GSPT1: variants seen among roughly 807,000 people sequenced by gnomAD.
The protein encoded by GSPT1 is G1 to S phase transition 1, also known as eukaryotic peptide chain release factor GTP-binding subunit ERF3A.
In GSPT1, 20 loss-of-function variants were observed where a neutral mutation model predicts 72.5. The ratio of observed to expected loss-of-function variants is 0.28; its 90% CI spans 0.19 to 0.40. The LOEUF (loss-of-function observed/expected upper bound fraction) is 0.40, where lower values mean the gene tolerates loss of function less well. Ranked by LOEUF, GSPT1 falls within the 10% of genes least tolerant of loss-of-function variation. The probability of loss-of-function intolerance (pLI) is 1.00; values close to 1 mark genes in which losing one functional copy is unlikely to be tolerated. For missense variants in GSPT1, 580 were observed against 811.9 expected, an observed-to-expected ratio of 0.71 and a Z score of 3.47; for synonymous variants, 334 against 293.5, an observed-to-expected ratio of 1.14 and a Z score of -1.41.
chr16:11,883,199 C>A, intron 10 of GSPT1, 104 bp from the exon 11 acceptor site: 2 of 704,550 alleles, frequency 2.8e-6, no homozygotes, highest in South Asian at 1.6e-5. Flanking sequence ...AAAGGAAAAT[C>A]ATTTGCTTAA....
intron 11 of GSPT1, among the ~76,000 whole-genome samples, chr16:11,878,396 C>T (rs1332281847): frequency 3.3e-5 from 5 of 151,992 alleles, no homozygotes; most frequent in African/African-American, 1.2e-4. Flanking sequence ...AGATTACAGG[C>T]GTGAGCCACT....
At position 11,890,824 on chromosome 16, in the gene GSPT1, G is replaced by A. The variant is rs538532912; in HGVS notation, c.776+238C>T. The A allele has an allele frequency of 8.3e-4, 261 of 315,892 alleles. 1 individual carries two copies. Among genetic ancestry groups the A allele is most frequent in the Admixed American group, 2.5e-3 (49 of 19,514 alleles). The allele number at this position is 315,892 out of a possible 1,614,324, so 19.6% of individuals were successfully genotyped here. On this transcript the variant is annotated intron_variant, in intron 6 of 14. Transcript: ENST00000434724. ...GCAAAATCACCCAATTAAATGGATG[G>A]TTTATAGTATTTTCAACAAGTCTAT... is the stretch of plus-strand genomic sequence containing the variant.
intron 1 of GSPT1, among the ~76,000 whole-genome samples, chr16:11,906,386 T>C (rs2054490091): frequency 6.6e-6 from 1 of 152,150 alleles, no homozygotes; most frequent in Admixed American, 6.6e-5. Context: ...AACCCAGCAC[T>C]TTGGGAGGCC....
chr16:11,875,630 C>T (rs576709740), intron 14 of GSPT1, 131 bp downstream of exon 14: 71 of 611,604 alleles, frequency 1.2e-4, no homozygotes, highest in African/African-American at 9.8e-4. Flanking sequence ...TCATAAAACA[C>T]TCATACGAAT....
intron 11 of GSPT1, among the ~76,000 whole-genome samples, chr16:11,878,813 C>CTCAGCA (rs1349572824): frequency 5.3e-5 from 8 of 152,118 alleles, no homozygotes; most frequent in Middle Eastern, 6.8e-3. Context: ...TGGCTCACGC[C>CTCAGCA]TCAGCATTTT....
At chr16:11,876,231 A>C in intron 12 of GSPT1, 56 bp from the exon 13 acceptor site, 1 of 1,077,030 alleles carries the variant, frequency 9.3e-7, no homozygotes, top group East Asian at 2.4e-5. Flanking sequence ...TAAGAATTCA[A>C]TGTTCTCAAG....
At chr16:11,887,213 T>C (rs548312155) in intron 7 of GSPT1, among the ~76,000 whole-genome samples, 37 of 152,244 alleles carry the variant, frequency 2.4e-4, no homozygotes, top group African/African-American at 7.2e-4. Context: ...AAAATTGTGA[T>C]CTACTACCAG....
chr16:11,884,437 A>C (rs1046443571), intron 10 of GSPT1, among the ~76,000 whole-genome samples: 4 of 152,228 alleles, frequency 2.6e-5, no homozygotes, highest in African/African-American at 9.6e-5. Context: ...TAAAGCCATT[A>C]AGAAAAAGAC....
chr16:11,890,490 A>G (rs995860255), intron 6 of GSPT1, among the ~76,000 whole-genome samples: 24 of 152,218 alleles, frequency 1.6e-4, no homozygotes, highest in African/African-American at 5.5e-4. Flanking sequence ...ACTGACTAGC[A>G]TTTCTCCCGC....
At chr16:11,874,951 G>A (rs2054022926) in intron 14 of GSPT1, among the ~76,000 whole-genome samples, 1 of 152,220 alleles carries the variant, frequency 6.6e-6, no homozygotes, top group Non-Finnish European at 1.5e-5. Flanking sequence ...CAGCACTTTG[G>A]GAGGCCAAGG....
chr16:11,875,176 G>C (rs543341727), intron 14 of GSPT1, among the ~76,000 whole-genome samples: 5 of 151,834 alleles, frequency 3.3e-5, no homozygotes, highest in Middle Eastern at 3.4e-3. Context: ...GTGACAGATC[G>C]AGACTCCATC....
At chr16:11,914,998 T>C (rs1265689784) in intron 1 of GSPT1, 1 of 1,289,066 alleles carries the variant, frequency 7.8e-7, no homozygotes, top group Admixed American at 2.3e-5. Flanking sequence ...CCCAAATGAC[T>C]CCTGGCTCCA....
chr16:11,906,107 A>G (rs1246008678), intron 1 of GSPT1, among the ~76,000 whole-genome samples: 1 of 151,860 alleles, frequency 6.6e-6, no homozygotes, highest in Non-Finnish European at 1.5e-5. Flanking sequence ...TTTGAAATGG[A>G]GTCTCACTCT....
At chr16:11,891,702 G>A (rs182536426) in intron 5 of GSPT1, among the ~76,000 whole-genome samples, 202 of 131,714 alleles carry the variant, frequency 1.5e-3, no homozygotes, top group Non-Finnish European at 2.3e-3. Context: ...TCGCTCTGTC[G>A]CCTAGGGTGG....
At chr16:11,914,537 T>C (rs569459833) in intron 1 of GSPT1, among the ~76,000 whole-genome samples, 7 of 152,282 alleles carry the variant, frequency 4.6e-5, no homozygotes, top group East Asian at 1.9e-4. Flanking sequence ...TCTGAAGAAA[T>C]AGACTGAACT....
At position 11,896,675 on chromosome 16, in the gene GSPT1, C is replaced by T; in HGVS notation, c.547G>A (p.Glu183Lys). The T allele has an allele frequency of 6.2e-7, 1 of 1,608,144 alleles. No homozygotes were observed. Among genetic ancestry groups the T allele is most frequent in the Non-Finnish European group, 8.5e-7 (1 of 1,177,070 alleles). The change falls in exon 4 of 15, where the codon GAA (glutamate) becomes AAA (lysine). Residue 183 changes from glutamate to lysine, a missense_variant. Coordinates refer to ENST00000434724, the MANE Select transcript of GSPT1 (RefSeq NM_002094.4). ...TCCTCCATCATTTCATGGGCACTTT[C>T]CTCTGGCGGCCTTCCATCTCCCAAG... Reference protein sequence around the residue: ...GSLGDGRPPEESAHEMMEEEE... With the variant: ...GSLGDGRPPEKSAHEMMEEEE...
intron 14 of GSPT1, among the ~76,000 whole-genome samples, chr16:11,874,454 CTTTTTTTTTTTTT>C (rs200991035): frequency 0.013 from 1,218 of 95,982 alleles, 30 homozygotes; most frequent in African/African-American, 0.047. Flanking sequence ...GCCAAGTTAG[CTTTTTTTTTTTTT>C]TTTTTTTTTT....
At chr16:11,889,868 G>C (rs1017074594) in intron 6 of GSPT1, among the ~76,000 whole-genome samples, 3 of 152,096 alleles carry the variant, frequency 2.0e-5, no homozygotes, top group African/African-American at 7.2e-5. Flanking sequence ...TCGAACTCCT[G>C]ACCTCAGGTG....
intron 14 of GSPT1, 104 bp downstream of exon 14, chr16:11,875,657 G>A: frequency 1.3e-6 from 1 of 779,692 alleles, no homozygotes; most frequent in South Asian, 2.1e-5. Context: ...GTGAATCGAA[G>A]TTTTCTGTGA....
Sources: gnomAD v4.1 joint callset for allele counts (sites outside exome capture counted in the v4.1 genomes callset) on GRCh38, gnomAD v4.1.1 for gene constraint, MANE v1.5 for transcripts, NCBI Gene and HGNC (gene_info 2026-07-23, HGNC 2026-07-21) for gene names.